The following RNF8 variants were observed in gnomAD, a reference collection of about 807,000 sequenced individuals.
The protein encoded by RNF8 is E3 ubiquitin-protein ligase RNF8.
In RNF8, 8 loss-of-function variants were observed where a neutral mutation model predicts 59.3. The observed-to-expected ratio is 0.13, with a 90% CI of 0.08 to 0.24. RNF8 has a LOEUF of 0.24. Among genes scored for constraint, RNF8 ranks in the 10% least tolerant of loss-of-function variants. The pLI, the probability that RNF8 is intolerant of heterozygous loss-of-function variation, is 1.00. For synonymous variants in RNF8, 162 were observed against 200.0 expected (o/e 0.81, Z 1.60); for missense variants, 406 against 572.6 (o/e 0.71, Z 2.97).
At chr6:37,354,671 G>A (rs1394345349) in intron 1 of RNF8, among the ~76,000 whole-genome samples, 4 of 151,886 alleles carry the variant, frequency 2.6e-5, no homozygotes, top group Non-Finnish European at 4.4e-5. Context: ...CCGGGGACTG[G>A]GAGGAGAGGG....
chr6:37,368,448 A>T, intron 2 of RNF8, 36 bp from the exon 3 acceptor site: 1 of 1,614,116 alleles, frequency 6.2e-7, no homozygotes, highest in East Asian at 2.2e-5. Context: ...GACGAAAATC[A>T]TGAAGCTTAT....
intron 2 of RNF8, chr6:37,361,676 G>T: frequency 3.5e-6 from 1 of 288,526 alleles, no homozygotes. Context: ...TAGAAGGGAG[G>T]GTATCCCACA....
intron 6 of RNF8, among the ~76,000 whole-genome samples, chr6:37,379,148 G>A (rs1770145863): frequency 6.6e-6 from 1 of 151,970 alleles, no homozygotes; most frequent in African/African-American, 2.4e-5. Flanking sequence ...GGAGTAGCTG[G>A]GACTACAGGC....
Position 37,354,022 on chromosome 6 carries a change from G to A in RNF8, c.-143G>A, listed in dbSNP as rs13192676. The A allele has an allele frequency of 2.7e-6, 2 of 751,422 alleles. No individual in the cohort carries two copies. Among genetic ancestry groups the A allele is most frequent in the Admixed American group, 2.3e-5 (1 of 43,166 alleles). The allele number at this position is 751,422 out of a possible 1,614,324, so 46.5% of individuals were successfully genotyped here. On this transcript the variant is annotated 5_prime_UTR_variant, in exon 1 of 8. Transcript: ENST00000373479. ...TCCTGGCCGAGGGCGGGCGAGCGGA[G>A]CCTGCTTTCGCAGCGATCGCGAGCG...
intron 1 of RNF8, among the ~76,000 whole-genome samples, chr6:37,356,575 G>C (rs988658436): frequency 2.6e-5 from 4 of 152,202 alleles, no homozygotes; most frequent in African/African-American, 7.2e-5. Context: ...AAAACAAGTA[G>C]AGATTTATTG....
chr6:37,392,191 T>C lies in RNF8; in HGVS notation c.*1433T>C, dbSNP rs1162278769. ...TACTATAACCACATCATAAGAATTC[T>C]GGAAAAATAGAGAACAAAAGGAAAA... On this transcript the variant is annotated 3_prime_UTR_variant, in exon 8 of 8. Coordinates refer to ENST00000373479, the MANE Select transcript of RNF8 (RefSeq NM_003958.4). 5.9e-6 allele frequency: 2 copies of C among 339,944 alleles called. No individual in the cohort carries two copies. Among genetic ancestry groups the C allele is most frequent in the African/African-American group, 2.1e-5 (1 of 47,482 alleles). The allele number at this position is 339,944 out of a possible 1,614,324, so 21.1% of individuals were successfully genotyped here.
In RNF8 at chr6:37,358,825, G is replaced by A. The variant is rs1451330309; in HGVS notation, c.112-1621G>A. On this transcript the variant is annotated intron_variant, in intron 1 of 7. Coordinates refer to ENST00000373479, the MANE Select transcript of RNF8 (RefSeq NM_003958.4). ...GAAGAATATGCAGGGAGCCGGGCGCGGTGGCTCACACCTGTAATCCCAGCA... is the reference window on the plus strand; with the variant it reads ...GAAGAATATGCAGGGAGCCGGGCGCAGTGGCTCACACCTGTAATCCCAGCA... Among the ~76,000 whole-genome samples the A allele has an allele frequency of 7.9e-5, 12 of 152,224 alleles. No individual in the cohort carries two copies. The South Asian group carries it at 1.9e-3, about 24-fold the overall frequency.
rs140233610 is a variant in RNF8 at position 37,368,717 on chromosome 6, G to A, written c.474G>A (p.Leu158=). 2.1e-4 allele frequency: 331 copies of A among 1,613,988 alleles called. No homozygotes were observed. The highest frequency in any genetic ancestry group is 2.6e-4 in the Non-Finnish European group (311 of 1,180,026). ...TGAGAACTAAAAGGAAATTCAGTTT[G>A]GATGAATTAGCAGGTCCTGGAGCTG... ...KELRTKRKFS[L]DELAGPGAEG... The change falls in exon 3 of 8, where the codon TTG becomes TTA. Residue 158 remains leucine (L), a synonymous_variant. Transcript: ENST00000373479.
chr6:37,378,417 G>A (rs1399473834), intron 6 of RNF8, among the ~76,000 whole-genome samples: 1 of 151,864 alleles, frequency 6.6e-6, no homozygotes, highest in Non-Finnish European at 1.5e-5. Context: ...CCTGGTCAAC[G>A]TGGCAAAACC....
Position 37,354,272 on chromosome 6 carries a change from C to T in RNF8, c.108C>T (p.Cys36=), listed in dbSNP as rs372250839. ...GGTGGCTGCTGCTGGAAGATGGGTG[C>T]GAGGTACGGGGGAAGGGGTCCTGTG... ...SAGWLLLEDG[C]EVTVGRGFGV... Residue 36 remains cysteine, a synonymous_variant, in exon 1 of 8, where the codon TGC becomes TGT. Transcript: ENST00000373479. 3 of 1,560,458 alleles carry T rather than the reference C, an allele frequency of 1.9e-6. No homozygotes were observed. The highest frequency in any genetic ancestry group is 2.4e-5 in the East Asian group (1 of 42,360).
At position 37,368,981 on chromosome 6, in the gene RNF8, A is replaced by G; in HGVS notation, c.738A>G (p.Leu246=). Residue 246 remains leucine (L), a synonymous_variant, in exon 3 of 8, where the codon TTA becomes TTG. Coordinates refer to ENST00000373479, the MANE Select transcript of RNF8 (RefSeq NM_003958.4). ...ASNSSASQRS[L]QMFKVTMSRI... ...ACTCTTCAGCATCTCAGAGAAGCTT[A>G]CAGATGTTTAAGGTGACCATGTCCA... is the stretch of plus-strand genomic sequence containing the variant. 1.2e-6 allele frequency: 2 copies of G among 1,614,246 alleles called. No individual in the cohort carries two copies. Among genetic ancestry groups the G allele is most frequent in the Non-Finnish European group, 8.5e-7 (1 of 1,180,048 alleles).
chr6:37,392,572 T>C lies in RNF8; in HGVS notation c.*1814T>C. 5.0e-6 allele frequency: 2 copies of C among 398,632 alleles called. No homozygotes were observed. The highest frequency in any genetic ancestry group is 8.8e-6 in the Non-Finnish European group (2 of 226,054). The allele number at this position is 398,632 out of a possible 1,614,324, so 24.7% of individuals were successfully genotyped here. A position where few individuals can be genotyped will look rare whatever the true frequency, so the allele number is the denominator to read the frequency against. On this transcript the variant is annotated 3_prime_UTR_variant, in exon 8 of 8. Transcript: ENST00000373479. ...CTTGCTTTGCACAAATGGTAAACTG[T>C]ACGCTATTCTGAACCTTGCTTTTTT...
Position 37,391,098 on chromosome 6 carries a change from C to A in RNF8, c.*340C>A, listed in dbSNP as rs568424441. 49 of 463,334 alleles carry A rather than the reference C, an allele frequency of 1.1e-4. No homozygotes were observed. Among genetic ancestry groups the A allele is most frequent in the Non-Finnish European group, 1.7e-4 (43 of 257,808 alleles). The allele number at this position is 463,334 out of a possible 1,614,324, so 28.7% of individuals were successfully genotyped here. On this transcript the variant is annotated 3_prime_UTR_variant, in exon 8 of 8. Coordinates refer to ENST00000373479, the MANE Select transcript of RNF8 (RefSeq NM_003958.4). ...TGTTTTGATACCTCGGAAACACCTCCGTTGACAGTTGTTTTGGATAGGTTG... is the reference window on the plus strand; with the variant it reads ...TGTTTTGATACCTCGGAAACACCTCAGTTGACAGTTGTTTTGGATAGGTTG...
chr6:37,384,201 C>T lies in RNF8; in HGVS notation c.1441+2847C>T, dbSNP rs374739372. Among the ~76,000 whole-genome samples the T allele has an allele frequency of 4.8e-4, 69 of 143,606 alleles. No homozygotes were observed. In the South Asian group the frequency reaches 0.014, roughly 29 times the overall value. 94.2% of individuals were successfully genotyped at this position (143,606 alleles called of 152,430 possible). ...AGGCTGAAAGGCTGAAGTTTAATGG[C>T]GCAATTTTGGCTCACTGCAACCTCC... On this transcript the variant is annotated intron_variant, in intron 7 of 7. Coordinates refer to ENST00000373479, the MANE Select transcript of RNF8 (RefSeq NM_003958.4).
At chr6:37,388,604 A>C (rs1283593276) in intron 7 of RNF8, among the ~76,000 whole-genome samples, 1 of 152,144 alleles carries the variant, frequency 6.6e-6, no homozygotes, top group Non-Finnish European at 1.5e-5. Context: ...GGGCAGACTG[A>C]TGAATGGCCA....
At chr6:37,386,677 G>A (rs930161075) in intron 7 of RNF8, among the ~76,000 whole-genome samples, 5 of 152,198 alleles carry the variant, frequency 3.3e-5, no homozygotes, top group African/African-American at 1.2e-4. Flanking sequence ...GTGAAAATCA[G>A]TGGTTGCTGG....
chr6:37,392,722 A>C lies in RNF8; in HGVS notation c.*1964A>C. The C allele has an allele frequency of 2.5e-6, 1 of 398,556 alleles. No individual in the cohort carries two copies. Among genetic ancestry groups the C allele is most frequent in the Non-Finnish European group, 4.4e-6 (1 of 226,036 alleles). 24.7% of individuals were successfully genotyped at this position (398,556 alleles called of 1,614,324 possible). On this transcript the variant is annotated 3_prime_UTR_variant, in exon 8 of 8. Coordinates refer to ENST00000373479, the MANE Select transcript of RNF8 (RefSeq NM_003958.4). ...TCTGGCTTACTTTTGATAGAAATCT[A>C]GGTTGGTTCAAACCTTTTTACTCTT...
At chr6:37,382,054 C>T (rs1770289330) in intron 7 of RNF8, among the ~76,000 whole-genome samples, 1 of 152,188 alleles carries the variant, frequency 6.6e-6, no homozygotes, top group Non-Finnish European at 1.5e-5. Context: ...CTGACAGAAT[C>T]CCATTGTTCT....
At position 37,370,107 on chromosome 6, in the gene RNF8, A is replaced by T. The variant is rs188370096; in HGVS notation, c.975+889A>T. Reference sequence around the variant, plus strand: ...CATTGTTGACTTAGAACTCAGACGGACCAGTCACAACTAAAGTGAATAAGC... The same window carrying T: ...CATTGTTGACTTAGAACTCAGACGGTCCAGTCACAACTAAAGTGAATAAGC... On this transcript the variant is annotated intron_variant, in intron 3 of 7. Coordinates refer to ENST00000373479, the MANE Select transcript of RNF8 (RefSeq NM_003958.4). The T allele has an allele frequency of 8.5e-5, 13 of 152,324 alleles. No individual in the cohort carries two copies. In the East Asian group the frequency reaches 2.3e-3, roughly 27 times the overall value. 9.4% of individuals were successfully genotyped at this position (152,324 alleles called of 1,614,324 possible).
Sources: gnomAD v4.1 joint callset for allele counts (sites outside exome capture counted in the v4.1 genomes callset) on GRCh38, gnomAD v4.1.1 for gene constraint, MANE v1.5 for transcripts, NCBI Gene and HGNC (gene_info 2026-07-23, HGNC 2026-07-21) for gene names.